LRRTM4: variants seen among roughly 807,000 people sequenced by gnomAD.
LRRTM4 encodes leucine-rich repeat transmembrane neuronal protein 4.
Under a neutral mutation model 47.6 loss-of-function variants are expected in LRRTM4, and 25 were observed. The observed-to-expected ratio is 0.53, with a 90% confidence interval of 0.38 to 0.73. LRRTM4 has a LOEUF of 0.73. Ranked by LOEUF, LRRTM4 falls within the 30% of genes least tolerant of loss-of-function variation. The probability of loss-of-function intolerance (pLI) is 0.00; values close to 1 mark genes in which losing one functional copy is unlikely to be tolerated. For synonymous variants in LRRTM4, 311 were observed against 269.5 expected, an observed-to-expected ratio of 1.15 and a Z score of -1.51; for missense variants, 638 against 713.4, an observed-to-expected ratio of 0.89 and a Z score of 1.20.
At chr2:76,895,346 G>A (rs1290199073) in intron 3 of LRRTM4, among the ~76,000 whole-genome samples, 2 of 151,930 alleles carry the variant, frequency 1.3e-5, no homozygotes, top group African/African-American at 2.4e-5. Flanking sequence ...CCATGAGAAC[G>A]AAAATTTAGT....
intron 3 of LRRTM4, among the ~76,000 whole-genome samples, chr2:76,915,119 A>T (rs780758166): frequency 5.3e-5 from 8 of 152,200 alleles, no homozygotes; most frequent in Admixed American, 2.6e-4. Context: ...GTTACTTGCT[A>T]TATGCAAGAA....
intron 3 of LRRTM4, among the ~76,000 whole-genome samples, chr2:77,156,034 A>G (rs2103795714): frequency 6.6e-6 from 1 of 152,278 alleles, no homozygotes; most frequent in Non-Finnish European, 1.5e-5. Flanking sequence ...TGTCAATTTA[A>G]TTTATTTTAA....
intron 3 of LRRTM4, among the ~76,000 whole-genome samples, chr2:76,751,882 T>A (rs933242090): frequency 6.6e-6 from 1 of 152,166 alleles, no homozygotes; most frequent in Non-Finnish European, 1.5e-5. Context: ...TACTCTCTTG[T>A]TAACTGGTGA....
In LRRTM4 at chr2:77,391,078, T is replaced by C. The variant is rs184085935; in HGVS notation, c.1551+127240A>G. On this transcript the variant is annotated intron_variant, in intron 3 of 3. Transcript: ENST00000409884. ...TTTGCAATCAGGACATTACAAATTC[T>C]TTACTAATGAATATTTAATTACTTA... Among the ~76,000 whole-genome samples, 49 of 152,162 alleles carry C rather than the reference T, an allele frequency of 3.2e-4. No individual in the cohort carries two copies. The East Asian group carries it at 9.1e-3, about 28-fold the overall frequency.
chr2:76,998,860 C>T (rs1237590586), intron 3 of LRRTM4, among the ~76,000 whole-genome samples: 1 of 151,696 alleles, frequency 6.6e-6, no homozygotes, highest in Non-Finnish European at 1.5e-5. Context: ...TGACTCATCC[C>T]AAACACTTTC....
At chr2:77,176,425 T>G (rs1404284138) in intron 3 of LRRTM4, among the ~76,000 whole-genome samples, 1 of 152,230 alleles carries the variant, frequency 6.6e-6, no homozygotes, top group East Asian at 1.9e-4. Flanking sequence ...AGTCCTGTGC[T>G]AACCAGGACA....
chr2:77,292,950 A>T (rs1318265321), intron 3 of LRRTM4, among the ~76,000 whole-genome samples: 2 of 151,840 alleles, frequency 1.3e-5, no homozygotes, highest in East Asian at 3.9e-4. Context: ...CTTTAAGTTT[A>T]CATTGCTTTA....
intron 3 of LRRTM4, among the ~76,000 whole-genome samples, chr2:77,003,477 G>A (rs1431552168): frequency 6.6e-6 from 1 of 152,058 alleles, no homozygotes; most frequent in Non-Finnish European, 1.5e-5. Flanking sequence ...TTGTGATAGT[G>A]AGTAAGTCTC....
intron 3 of LRRTM4, among the ~76,000 whole-genome samples, chr2:76,953,785 C>T (rs1287250321): frequency 6.6e-6 from 1 of 151,916 alleles, no homozygotes; most frequent in African/African-American, 2.4e-5. Context: ...TTCAGCTTTT[C>T]TGGGACTGTT....
chr2:77,494,344 C>G (rs1042375435), intron 3 of LRRTM4, among the ~76,000 whole-genome samples: 1 of 151,998 alleles, frequency 6.6e-6, no homozygotes, highest in African/African-American at 2.4e-5. Flanking sequence ...CACTCCCTAG[C>G]TCTCTGTTAC....
intron 3 of LRRTM4, among the ~76,000 whole-genome samples, chr2:76,952,716 T>G (rs1189960743): frequency 6.6e-6 from 1 of 151,850 alleles, no homozygotes; most frequent in Non-Finnish European, 1.5e-5. Context: ...AAATAGATCA[T>G]TCAGCAAAAA....
intron 3 of LRRTM4, among the ~76,000 whole-genome samples, chr2:77,004,389 C>T (rs1573437705): frequency 6.6e-6 from 1 of 152,174 alleles, no homozygotes. Flanking sequence ...TGGGACATGG[C>T]TTGAGAGGGT....
chr2:77,082,312 T>G (rs903694119), intron 3 of LRRTM4, among the ~76,000 whole-genome samples: 1 of 152,146 alleles, frequency 6.6e-6, no homozygotes, highest in Non-Finnish European at 1.5e-5. Context: ...TTTTATTTCT[T>G]GGACACTTAT....
At chr2:76,785,450 G>A (rs1323678522) in intron 3 of LRRTM4, among the ~76,000 whole-genome samples, 6 of 152,088 alleles carry the variant, frequency 3.9e-5, no homozygotes, top group African/African-American at 1.4e-4. Context: ...TAATGAGAGT[G>A]AATTTTAGTT....
At chr2:76,820,077 AG>A (rs925480120) in intron 3 of LRRTM4, among the ~76,000 whole-genome samples, 22 of 151,978 alleles carry the variant, frequency 1.4e-4, no homozygotes, top group Non-Finnish European at 2.7e-4. Context: ...AAATTTAAAA[AG>A]GAAACTACAT....
intron 3 of LRRTM4, among the ~76,000 whole-genome samples, chr2:76,837,059 G>T (rs968197489): frequency 2.0e-5 from 3 of 152,128 alleles, no homozygotes; most frequent in African/African-American, 7.2e-5. Flanking sequence ...AAGAATGGAA[G>T]ATCCTGTTAT....
chr2:77,195,369 G>A (rs1425083844), intron 3 of LRRTM4, among the ~76,000 whole-genome samples: 1 of 151,750 alleles, frequency 6.6e-6, no homozygotes, highest in African/African-American at 2.4e-5. Context: ...ATTTCTGGAG[G>A]GATGATTTAT....
At position 77,109,098 on chromosome 2, in the gene LRRTM4, A is replaced by C. The variant is rs948228981; in HGVS notation, c.1552-360182T>G. Among the ~76,000 whole-genome samples, 10 of 152,222 alleles carry C rather than the reference A, an allele frequency of 6.6e-5. 1 individual carries two copies. The highest frequency in any genetic ancestry group is 4.6e-4 in the Admixed American group (7 of 15,286). On this transcript the variant is annotated intron_variant, in intron 3 of 3. Coordinates refer to ENST00000409884, the MANE Select transcript of LRRTM4 (RefSeq NM_001134745.3). Reference sequence around the variant, plus strand: ...GAATTCCCCAAGGTAACAGAAAGTGAAACTATACTTTAAATACACATTGAC... The same window carrying C: ...GAATTCCCCAAGGTAACAGAAAGTGCAACTATACTTTAAATACACATTGAC...
chr2:77,169,789 CT>C (rs1473774564), intron 3 of LRRTM4, among the ~76,000 whole-genome samples: 1 of 152,140 alleles, frequency 6.6e-6, no homozygotes, highest in Non-Finnish European at 1.5e-5. Context: ...ATTACCCAGT[CT>C]GTGGTAATCT....
Sources: gnomAD v4.1 joint callset for allele counts (sites outside exome capture counted in the v4.1 genomes callset) on GRCh38, gnomAD v4.1.1 for gene constraint, MANE v1.5 for transcripts, NCBI Gene and HGNC (gene_info 2026-07-23, HGNC 2026-07-21) for gene names.